The following SLC37A1 variants were observed in gnomAD, a reference collection of about 807,000 sequenced individuals.
SLC37A1 encodes the protein solute carrier family 37 member 1, also known as glucose-6-phosphate exchanger SLC37A1.
Under a neutral mutation model 75.3 loss-of-function variants are expected in SLC37A1, and 49 were observed. The observed-to-expected ratio is 0.65, with a 90% CI of 0.52 to 0.83. SLC37A1 has a LOEUF of 0.83. Ranked by LOEUF, SLC37A1 falls within the 40% of genes least tolerant of loss-of-function variation. SLC37A1 has a pLI of 0.00. For missense variants in SLC37A1, 566 were observed against 695.0 expected (o/e 0.81, Z 2.09); for synonymous variants, 268 against 292.1 (o/e 0.92, Z 0.84).
At chr21:42,542,029 G>A (rs2055295021) in intron 6 of SLC37A1, among the ~76,000 whole-genome samples, 2 of 152,192 alleles carry the variant, frequency 1.3e-5, no homozygotes, top group African/African-American at 4.8e-5. Context: ...GGCATGAGCC[G>A]CTGCACCTAG....
At chr21:42,544,645 C>T (rs1449539511) in intron 8 of SLC37A1, among the ~76,000 whole-genome samples, 2 of 152,238 alleles carry the variant, frequency 1.3e-5, no homozygotes, top group Non-Finnish European at 2.9e-5. Context: ...AGTAAGCCTT[C>T]GGCCACACCC....
upstream of SLC37A1, among the ~76,000 whole-genome samples, chr21:42,510,064 T>C (rs971110383): frequency 3.9e-5 from 6 of 152,180 alleles, no homozygotes; most frequent in African/African-American, 1.4e-4. Flanking sequence ...AGGCAGCTAA[T>C]GTTTTATTAC....
intron 18 of SLC37A1, among the ~76,000 whole-genome samples, chr21:42,576,453 A>C (rs62213024): frequency 1.3e-5 from 2 of 152,232 alleles, no homozygotes; most frequent in Non-Finnish European, 2.9e-5. Flanking sequence ...CCTGCAGCAT[A>C]GGATTTCTGT....
chr21:42,580,322 T>TC (rs1205264097), intron 19 of SLC37A1, 23 bp from the exon 20 acceptor site: 12 of 1,611,142 alleles, frequency 7.4e-6, no homozygotes, highest in Non-Finnish European at 5.1e-6. Flanking sequence ...TTAGAGCAGC[T>TC]CTTCTTTCAA....
chr21:42,528,989 G>T (rs1308002823), intron 3 of SLC37A1, among the ~76,000 whole-genome samples: 5 of 151,838 alleles, frequency 3.3e-5, no homozygotes, highest in Non-Finnish European at 1.5e-5. Context: ...TCTTAGCAGG[G>T]TTTTTTTTAA....
chr21:42,548,441 C>T lies in SLC37A1; in HGVS notation c.768+1301C>T, dbSNP rs996879075. Among the ~76,000 whole-genome samples the T allele has an allele frequency of 2.0e-5, 3 of 152,072 alleles. No individual in the cohort carries two copies. Among genetic ancestry groups the T allele is most frequent in the African/African-American group, 4.8e-5 (2 of 41,392 alleles). Reference sequence around the variant, plus strand: ...GTCCACCCTGTGGACAGGCCAGACCCGAGGAGCCAGCCCAACACCCCCTCC... The same window carrying T: ...GTCCACCCTGTGGACAGGCCAGACCTGAGGAGCCAGCCCAACACCCCCTCC... On this transcript the variant is annotated intron_variant, in intron 9 of 19. Coordinates refer to ENST00000352133, the MANE Select transcript of SLC37A1 (RefSeq NM_001320537.2). This position sits in a 1 kb window ranked among gnomAD's most constrained non-coding sequence, Gnocchi z 5.6.
intron 18 of SLC37A1, among the ~76,000 whole-genome samples, chr21:42,576,511 A>G (rs2056313109): frequency 6.6e-6 from 1 of 152,250 alleles, no homozygotes; most frequent in African/African-American, 2.4e-5. Context: ...ATAATGAAAC[A>G]TAAGGAAGCA....
intron 6 of SLC37A1, among the ~76,000 whole-genome samples, chr21:42,541,433 C>T (rs546125357): frequency 1.3e-5 from 2 of 152,260 alleles, no homozygotes; most frequent in Admixed American, 6.5e-5. Context: ...GTGAGGTAGT[C>T]GGAGCTGCCA....
At chr21:42,562,057 C>T in intron 11 of SLC37A1, 21 bp from the exon 12 acceptor site, 1 of 1,608,276 alleles carries the variant, frequency 6.2e-7, no homozygotes, top group Non-Finnish European at 8.5e-7. Flanking sequence ...GGAGGAGACG[C>T]CTGACTGCTC....
chr21:42,563,985 CCT>C (rs773090103), intron 13 of SLC37A1, 108 bp downstream of exon 13: 52 of 1,262,042 alleles, frequency 4.1e-5, no homozygotes, highest in East Asian at 9.8e-5. Flanking sequence ...TCTCATATCC[CCT>C]GAGTGGGCCC....
intron 8 of SLC37A1, 72 bp downstream of exon 8, chr21:42,543,674 G>A: frequency 1.0e-5 from 15 of 1,485,008 alleles, no homozygotes; most frequent in Non-Finnish European, 1.3e-5. Flanking sequence ...TGGGCCTTGG[G>A]GGCGAGTGTG....
chr21:42,543,468 A>T lies in SLC37A1; in HGVS notation c.596A>T (p.His199Leu). The T allele has an allele frequency of 6.2e-7, 1 of 1,614,134 alleles. No homozygotes were observed. Among genetic ancestry groups the T allele is most frequent in the Non-Finnish European group, 8.5e-7 (1 of 1,179,998 alleles). The change falls in exon 8 of 20, where the codon CAC (histidine) becomes CTC (leucine). Residue 199 changes from histidine (H) to leucine (L), a missense_variant. Coordinates refer to ENST00000352133, the MANE Select transcript of SLC37A1 (RefSeq NM_001320537.2). The stretch of plus-strand genomic sequence containing the variant: ...TTGATTATGGGGGTCTGGAACTCCC[A>T]CACCTCCGTGGGCAACATCTTGGGG... ...RGLIMGVWNS[H>L]TSVGNILGSL... is the part of the protein sequence containing the mutation.
At chr21:42,512,733 G>A (rs903840844), upstream of SLC37A1, among the ~76,000 whole-genome samples, 1 of 152,258 alleles carries the variant, frequency 6.6e-6, no homozygotes, top group Non-Finnish European at 1.5e-5. Context: ...AAAGAAGTGG[G>A]CAGGTTTTCT....
In SLC37A1 at chr21:42,555,803, T is replaced by C. The variant is rs373656958; in HGVS notation, c.849+1661T>C. Among the ~76,000 whole-genome samples, 21 of 152,162 alleles carry C rather than the reference T, an allele frequency of 1.4e-4. No homozygotes were observed. In the East Asian group the frequency reaches 1.5e-3, roughly 11 times the overall value. On this transcript the variant is annotated intron_variant, in intron 10 of 19. Coordinates refer to ENST00000352133, the MANE Select transcript of SLC37A1 (RefSeq NM_001320537.2). ...TACAGACTTGCCATCAAGGAGCCAG[T>C]TATGTAAGTAAAGGCACTGGCAGGC... is the stretch of plus-strand genomic sequence containing the variant.
chr21:42,533,929 T>G (rs959840781), intron 3 of SLC37A1, among the ~76,000 whole-genome samples: 6 of 152,178 alleles, frequency 3.9e-5, no homozygotes, highest in Admixed American at 6.5e-5. Context: ...GACAGTTTGG[T>G]GGGTGGGTGG....
chr21:42,571,110 C>T (rs945850255), intron 17 of SLC37A1, among the ~76,000 whole-genome samples: 4 of 152,188 alleles, frequency 2.6e-5, no homozygotes, highest in African/African-American at 7.2e-5. Context: ...CCCACCACCA[C>T]GCCTTGGTCA....
At chr21:42,513,750 G>A (rs968273001), upstream of SLC37A1, 40 of 147,810 alleles carry the variant, frequency 2.7e-4, no homozygotes, top group African/African-American at 9.5e-4. Flanking sequence ...CGGAGCCGGG[G>A]GTCGCGGCGG....
chr21:42,543,637 G>C lies in SLC37A1; in HGVS notation c.730+35G>C, dbSNP rs372983835. 3.9e-6 allele frequency: 6 copies of C among 1,546,986 alleles called. No individual in the cohort carries two copies. The African/African-American group carries it at 8.3e-5, about 21-fold the overall frequency. On this transcript the variant is annotated intron_variant, in intron 8 of 19. Coordinates refer to ENST00000352133, the MANE Select transcript of SLC37A1 (RefSeq NM_001320537.2). Reference sequence around the variant, plus strand: ...CGTGGCCTTGGAGACCACCCACCAAGGGAGGCCTCGGATTTCCCTGCCTGG... The same window carrying C: ...CGTGGCCTTGGAGACCACCCACCAACGGAGGCCTCGGATTTCCCTGCCTGG...
chr21:42,527,314 A>G (rs1051360533), intron 3 of SLC37A1, among the ~76,000 whole-genome samples: 1 of 152,064 alleles, frequency 6.6e-6, no homozygotes, highest in Non-Finnish European at 1.5e-5. Context: ...CCTGATGACT[A>G]TGAGGGCCCC....
Sources: gnomAD v4.1 joint callset for allele counts (sites outside exome capture counted in the v4.1 genomes callset) on GRCh38, gnomAD v4.1.1 for gene constraint, Gnocchi (gnomAD v3.1) non-coding constraint, MANE v1.5 for transcripts, NCBI Gene and HGNC (gene_info 2026-07-23, HGNC 2026-07-21) for gene names.